Variants in ASTN2 observed in about 807,000 individuals in gnomAD.
ASTN2 encodes the protein astrotactin 2, also known as astrotactin-2.
In ASTN2, 54 loss-of-function variants were observed where a neutral mutation model predicts 139.8. The observed-to-expected ratio is 0.39, with a 90% confidence interval of 0.31 to 0.48. The LOEUF (loss-of-function observed/expected upper bound fraction) is 0.48, where lower values mean the gene tolerates loss of function less well. ASTN2 is among the 20% of genes least tolerant of loss of function. The probability of loss-of-function intolerance (pLI) is 0.95; values close to 1 mark genes in which losing one functional copy is unlikely to be tolerated. For synonymous variants in ASTN2, 756 were observed against 719.5 expected, an observed-to-expected ratio of 1.05 and a Z score of -0.81; for missense variants, 1,565 against 1,725.1, an observed-to-expected ratio of 0.91 and a Z score of 1.64.
intron 3 of ASTN2, among the ~76,000 whole-genome samples, chr9:117,205,479 G>A (rs1282884545): frequency 6.6e-6 from 1 of 151,992 alleles, no homozygotes; most frequent in African/African-American, 2.4e-5. Flanking sequence ...TAAGTAAATG[G>A]GACAAGATTT....
At chr9:116,433,166 T>C (rs1164739445) in intron 22 of ASTN2, among the ~76,000 whole-genome samples, 1 of 152,190 alleles carries the variant, frequency 6.6e-6, no homozygotes, top group Non-Finnish European at 1.5e-5. Context: ...ACAAAGAAAC[T>C]GTAAGAAATC....
intron 16 of ASTN2, 24 bp downstream of exon 16, chr9:116,725,747 C>T (rs922066504): frequency 1.1e-5 from 18 of 1,607,240 alleles, no homozygotes; most frequent in African/African-American, 6.7e-5. Context: ...TGGCCACCTC[C>T]TACAGTAGGC....
At chr9:116,537,024 A>G (rs1056632013) in intron 19 of ASTN2, among the ~76,000 whole-genome samples, 1 of 152,116 alleles carries the variant, frequency 6.6e-6, no homozygotes, top group Non-Finnish European at 1.5e-5. Context: ...CTTCCTGGCC[A>G]CTTTGTTTAC....
In ASTN2 at chr9:116,548,877, T is replaced by C. The variant is rs556135398; in HGVS notation, c.3356-61377A>G. Among the ~76,000 whole-genome samples the C allele has an allele frequency of 1.2e-4, 19 of 152,280 alleles. No homozygotes were observed. The South Asian group carries it at 3.9e-3, about 32-fold the overall frequency. On this transcript the variant is annotated intron_variant, in intron 19 of 22. Coordinates refer to ENST00000313400, the MANE Select transcript of ASTN2 (RefSeq NM_001365068.1). ...GCAGCAGTACTTTTCAGAAGCTCAA[T>C]AGGTGATTCCTGTAGGCAACCAGGG...
At chr9:117,120,706 G>A (rs1408565017) in intron 4 of ASTN2, among the ~76,000 whole-genome samples, 2 of 152,158 alleles carry the variant, frequency 1.3e-5, no homozygotes, top group African/African-American at 4.8e-5. Flanking sequence ...TGGACTCTGT[G>A]TTAAAACTAT....
intron 4 of ASTN2, among the ~76,000 whole-genome samples, chr9:117,115,655 T>C (rs1332523552): frequency 6.6e-6 from 1 of 152,186 alleles, no homozygotes; most frequent in African/African-American, 2.4e-5. Flanking sequence ...AATATTGATT[T>C]GTTTACTCAA....
intron 10 of ASTN2, among the ~76,000 whole-genome samples, chr9:116,961,030 A>AAGG (rs1564361256): frequency 6.6e-6 from 1 of 151,910 alleles, no homozygotes; most frequent in Non-Finnish European, 1.5e-5. Context: ...AGGAGGAGAG[A>AAGG]AGAGGTGTAT....
At chr9:117,294,191 T>C (rs1834670327) in intron 1 of ASTN2, among the ~76,000 whole-genome samples, 1 of 152,264 alleles carries the variant, frequency 6.6e-6, no homozygotes, top group Non-Finnish European at 1.5e-5. Flanking sequence ...GTCCATGCAA[T>C]TTCTACTATG....
intron 19 of ASTN2, 89 bp from the exon 20 acceptor site, chr9:116,487,589 G>A: frequency 1.6e-6 from 2 of 1,273,268 alleles, no homozygotes; most frequent in Non-Finnish European, 2.1e-6. Flanking sequence ...CAAATGTCTT[G>A]ATACCATTAT....
chr9:116,746,764 A>G (rs371771839), intron 13 of ASTN2, among the ~76,000 whole-genome samples: 5 of 152,086 alleles, frequency 3.3e-5, no homozygotes, highest in South Asian at 4.2e-4. Context: ...TTCTGCTGCT[A>G]TGCTAGCATT....
chr9:117,160,356 C>A (rs1830520280), intron 3 of ASTN2, among the ~76,000 whole-genome samples: 1 of 151,752 alleles, frequency 6.6e-6, no homozygotes, highest in South Asian at 2.1e-4. Flanking sequence ...CAAGGTAGTT[C>A]CTCATTGTCA....
At chr9:116,473,892 A>C (rs999300315) in intron 20 of ASTN2, among the ~76,000 whole-genome samples, 2 of 150,122 alleles carry the variant, frequency 1.3e-5, no homozygotes, top group Non-Finnish European at 3.0e-5. Context: ...ACAGAGCAAG[A>C]CTCTATCTCA....
At chr9:116,686,951 G>C (rs11790014) in intron 16 of ASTN2, 167,336 of 1,476,582 alleles carry the variant, frequency 0.11, 14,496 homozygotes, top group East Asian at 0.39. Context: ...TGGAAAAACA[G>C]ATTCAGTAAG....
At chr9:116,652,187 G>A (rs575921259) in intron 16 of ASTN2, among the ~76,000 whole-genome samples, 5 of 152,028 alleles carry the variant, frequency 3.3e-5, no homozygotes, top group South Asian at 2.1e-4. Context: ...TTAGCCAAGC[G>A]TGGGGTTATG....
In ASTN2 at chr9:116,771,336, G is replaced by A. The variant is rs147457410; in HGVS notation, c.2396+34296C>T. On this transcript the variant is annotated intron_variant, in intron 13 of 22. Coordinates refer to ENST00000313400, the MANE Select transcript of ASTN2 (RefSeq NM_001365068.1). The stretch of plus-strand genomic sequence containing the variant: ...CCATGTTCCCATTTTTCAGCTGTCA[G>A]TGGAGGATAGTGAATGTCTATCTCA... Among the ~76,000 whole-genome samples, 1,437 of 152,234 alleles carry A rather than the reference G, an allele frequency of 9.4e-3. 9 individuals carry two copies. The highest frequency in any genetic ancestry group is 0.02 in the Middle Eastern group (6 of 294).
chr9:117,137,549 C>T (rs989468999), intron 4 of ASTN2, among the ~76,000 whole-genome samples: 1 of 152,100 alleles, frequency 6.6e-6, no homozygotes, highest in Non-Finnish European at 1.5e-5. Context: ...AATAAATGTT[C>T]CAATGGGAGA....
chr9:116,443,432 TC>T (rs1847896990), intron 20 of ASTN2, among the ~76,000 whole-genome samples: 1 of 152,170 alleles, frequency 6.6e-6, no homozygotes. Context: ...TCCCCACCTT[TC>T]TATGATGTCA....
chr9:116,570,204 T>C (rs1340485249), intron 19 of ASTN2, among the ~76,000 whole-genome samples: 3 of 152,226 alleles, frequency 2.0e-5, no homozygotes. Context: ...ATAACTGATA[T>C]ACAGTGCCCA....
At chr9:117,126,378 A>C (rs1302145698) in intron 4 of ASTN2, among the ~76,000 whole-genome samples, 1 of 152,224 alleles carries the variant, frequency 6.6e-6, no homozygotes, top group Non-Finnish European at 1.5e-5. Context: ...TGGCTGTGCA[A>C]GTTTGGGCAA....
Sources: gnomAD v4.1 joint callset for allele counts (sites outside exome capture counted in the v4.1 genomes callset) on GRCh38, gnomAD v4.1.1 for gene constraint, MANE v1.5 for transcripts, NCBI Gene and HGNC (gene_info 2026-07-23, HGNC 2026-07-21) for gene names.